ERMAP: variants seen among roughly 807,000 people sequenced by gnomAD.
The protein encoded by ERMAP is erythroid membrane-associated protein.
Under a neutral mutation model 49.5 loss-of-function variants are expected in ERMAP, and 34 were observed. The observed-to-expected ratio is 0.69, with a 90% CI of 0.52 to 0.91. ERMAP has a LOEUF of 0.91. ERMAP is among the 40% of genes least tolerant of loss of function. The probability of loss-of-function intolerance (pLI) is 0.00; values close to 1 mark genes in which losing one functional copy is unlikely to be tolerated. For synonymous variants in ERMAP, 214 were observed against 232.2 expected, an observed-to-expected ratio of 0.92 and a Z score of 0.71; for missense variants, 541 against 582.6, an observed-to-expected ratio of 0.93 and a Z score of 0.74.
rs1655146730 is a variant in ERMAP at position 42,844,123 on chromosome 1, C to T, written c.*891C>T. ...AAAAAGTGGCAGTTTTAACCACCAA[C>T]GTAGAAGCTTTTTTTTCCCCACAAG... On this transcript the variant is annotated 3_prime_UTR_variant, in exon 12 of 12. Transcript: ENST00000372517. This position sits in a 1 kb window ranked among gnomAD's most constrained non-coding sequence, Gnocchi z 4.0. 1 of 398,624 alleles carries T rather than the reference C, an allele frequency of 2.5e-6. No homozygotes were observed. The highest frequency in any genetic ancestry group is 2.1e-5 in the African/African-American group (1 of 48,746). The allele number at this position is 398,624 out of a possible 1,614,324, so 24.7% of individuals were successfully genotyped here.
chr1:42,827,675 T>C (rs1291312934), intron 2 of ERMAP, among the ~76,000 whole-genome samples: 1 of 152,200 alleles, frequency 6.6e-6, no homozygotes, highest in East Asian at 1.9e-4. Context: ...GGAAGTGAAA[T>C]CATATTTTAT....
chr1:42,828,817 C>T (rs1007755723), intron 2 of ERMAP, among the ~76,000 whole-genome samples: 2 of 152,054 alleles, frequency 1.3e-5, no homozygotes, highest in African/African-American at 4.8e-5. Flanking sequence ...CCCTCTTAAC[C>T]ACTTCATAGA....
intron 1 of ERMAP, among the ~76,000 whole-genome samples, chr1:42,823,753 A>G (rs920196777): frequency 6.6e-6 from 1 of 152,216 alleles, no homozygotes; most frequent in African/African-American, 2.4e-5. Flanking sequence ...ATTTTGTCAC[A>G]CAAACTATTA....
At position 42,817,174 on chromosome 1, in the gene ERMAP, G is replaced by A; in HGVS notation, c.-201G>A. The A allele has an allele frequency of 1.6e-6, 2 of 1,238,346 alleles. No individual in the cohort carries two copies. Among genetic ancestry groups the A allele is most frequent in the Non-Finnish European group, 2.1e-6 (2 of 964,368 alleles). 76.7% of individuals were successfully genotyped at this position (1,238,346 alleles called of 1,614,324 possible). On this transcript the variant is annotated 5_prime_UTR_variant, in exon 1 of 12. Transcript: ENST00000372517. ...GGTCGCTGGAGCCGCCGACCAAGAG[G>A]CTTGGGAGTCTGTACCTTTCCCGAC...
chr1:42,836,867 G>A, intron 6 of ERMAP: 1 of 271,942 alleles, frequency 3.7e-6, no homozygotes, highest in Non-Finnish European at 6.9e-6. Flanking sequence ...AGTGAGTCAA[G>A]ATCATGCCAC....
At chr1:42,825,596 T>A in intron 1 of ERMAP, 27 bp from the exon 2 acceptor site, 4 of 1,276,070 alleles carry the variant, frequency 3.1e-6, no homozygotes, top group Non-Finnish European at 4.1e-6. Context: ...TCATAAAATA[T>A]GAACTTTTCC....
intron 11 of ERMAP, 96 bp downstream of exon 11, chr1:42,840,392 T>TA (rs1655023024): frequency 6.7e-7 from 1 of 1,483,546 alleles, no homozygotes; most frequent in Non-Finnish European, 9.3e-7. Context: ...GGAATGCAGG[T>TA]AATTTAAAAA....
At chr1:42,828,834 G>A (rs1369076469) in intron 2 of ERMAP, among the ~76,000 whole-genome samples, 1 of 151,982 alleles carries the variant, frequency 6.6e-6, no homozygotes, top group Non-Finnish European at 1.5e-5. Flanking sequence ...TAGATTGTCT[G>A]AATCTTGGAA....
intron 2 of ERMAP, among the ~76,000 whole-genome samples, chr1:42,828,337 A>AG (rs1654613814): frequency 6.6e-6 from 1 of 152,048 alleles, no homozygotes; most frequent in South Asian, 2.1e-4. Context: ...CCTTACTATA[A>AG]CCCTATCTAT....
intron 3 of ERMAP, 74 bp from the exon 4 acceptor site, chr1:42,830,694 A>T: frequency 2.2e-6 from 3 of 1,390,792 alleles, no homozygotes; most frequent in Non-Finnish European, 2.9e-6. Flanking sequence ...TCCCCGGGAT[A>T]TCCTCTTCCT....
rs1654685731 is a variant in ERMAP at position 42,830,454 on chromosome 1, G to A, written c.6G>A (p.Glu2=). The change falls in exon 3 of 12, where the codon GAG becomes GAA. Residue 2 remains glutamate, a synonymous_variant. Coordinates refer to ENST00000372517, the MANE Select transcript of ERMAP (RefSeq NM_001017922.2). ...CTCTGTCTGTCCTAGTTCGGATGGA[G>A]ATGGCGAGTTCTGCTGGCTCCTGGC... The part of the protein sequence containing the change: M[E]MASSAGSWLS... 6.2e-7 allele frequency: 1 copy of A among 1,614,034 alleles called. No homozygotes were observed. The highest frequency in any genetic ancestry group is 1.3e-5 in the African/African-American group (1 of 74,922).
At chr1:42,833,708 C>A (rs1654815442) in intron 4 of ERMAP, among the ~76,000 whole-genome samples, 1 of 151,978 alleles carries the variant, frequency 6.6e-6, no homozygotes, top group Admixed American at 6.6e-5. Flanking sequence ...GGGTTCAAAC[C>A]TTTTACTTAT....
intron 1 of ERMAP, 95 bp downstream of exon 1, chr1:42,817,348 G>T: frequency 2.4e-6 from 2 of 841,324 alleles, no homozygotes; most frequent in Non-Finnish European, 1.5e-6. Flanking sequence ...AGGGGCGCAG[G>T]GCCGAGCGCC....
rs1654702331 is a variant in ERMAP, at chr1:42,830,807, TA to T, written c.126del (p.Gly44AlafsTer20). On this transcript the variant is annotated frameshift_variant, in exon 4 of 12. Coordinates refer to ENST00000372517, the MANE Select transcript of ERMAP (RefSeq NM_001017922.2). LOFTEE classifies it high-confidence loss of function. Reference sequence around the variant, plus strand: ...GCCGGCAAGTTCCACGTGGCCCTACTAGGGGGCACAGCCGAGCTGCTCTGCC... The same window carrying T: ...GCCGGCAAGTTCCACGTGGCCCTACTGGGGGCACAGCCGAGCTGCTCTGCC... ...GDAGKFHVAL[L>X]GGTAELLCPL... 2 of 1,575,386 alleles carry T rather than the reference TA, an allele frequency of 1.3e-6. No individual in the cohort carries two copies. Among genetic ancestry groups the T allele is most frequent in the Non-Finnish European group, 1.7e-6 (2 of 1,161,046 alleles).
At position 42,819,495 on chromosome 1, in the gene ERMAP, A is replaced by T. The variant is rs1654352221; in HGVS notation, c.-122+2242A>T. Among the ~76,000 whole-genome samples the T allele has an allele frequency of 6.6e-6, 1 of 152,210 alleles. No individual in the cohort carries two copies. Among genetic ancestry groups the T allele is most frequent in the South Asian group, 2.1e-4 (1 of 4,818 alleles). ...CAGTGGACTCTTGGCCAGGCTGCAG[A>T]ATTTCCTGGTTTGTTGAATGACTAG... On this transcript the variant is annotated intron_variant, in intron 1 of 11. Transcript: ENST00000372517. The surrounding 1 kb of genome is among the most constrained non-coding windows in gnomAD (Gnocchi z 5.1).
At chr1:42,832,363 TTTTTC>T (rs1453492515) in intron 4 of ERMAP, among the ~76,000 whole-genome samples, 1 of 151,268 alleles carries the variant, frequency 6.6e-6, no homozygotes, top group African/African-American at 2.4e-5. Flanking sequence ...AACTAATTTT[TTTTTC>T]TTTTTTCTTT....
Position 42,843,318 on chromosome 1 carries a change from C to T in ERMAP, c.*86C>T, listed in dbSNP as rs111730740. 519 of 967,224 alleles carry T rather than the reference C, an allele frequency of 5.4e-4. 5 individuals carry two copies. The East Asian group carries it at 0.011, about 20-fold the overall frequency. The allele number at this position is 967,224 out of a possible 1,614,324, so 59.9% of individuals were successfully genotyped here. ...CTGGCCCAACCCCATGATTATGGAA[C>T]GTCTCTTCACCTTAACCCAAATCCA... On this transcript the variant is annotated 3_prime_UTR_variant, in exon 12 of 12. Coordinates refer to ENST00000372517, the MANE Select transcript of ERMAP (RefSeq NM_001017922.2).
Position 42,830,511 on chromosome 1 carries a change from C to T in ERMAP, c.63C>T (p.Leu21=), listed in dbSNP as rs1367764418. ...GCTGCCTCATCCCTCTCGTCTTCCT[C>T]CGGCTGTCTGTGCATGTGTCAGGTA... is the stretch of plus-strand genomic sequence containing the variant. ...LSGCLIPLVF[L]RLSVHVSGHA... is the part of the protein sequence containing the mutation. The change falls in exon 3 of 12, where the codon CTC becomes CTT. Residue 21 remains leucine, a synonymous_variant. Transcript: ENST00000372517. 2 of 1,614,124 alleles carry T rather than the reference C, an allele frequency of 1.2e-6. No homozygotes were observed. The highest frequency in any genetic ancestry group is 2.2e-5 in the South Asian group (2 of 91,080).
chr1:42,821,201 C>T (rs1474693795), intron 1 of ERMAP, among the ~76,000 whole-genome samples: 3 of 152,114 alleles, frequency 2.0e-5, no homozygotes, highest in Non-Finnish European at 4.4e-5. Flanking sequence ...TTCTCTTTGT[C>T]CTTATAGGCT....
Sources: allele counts gnomAD v4.1 joint callset (sites outside exome capture counted in the v4.1 genomes callset), GRCh38; gene constraint gnomAD v4.1.1; non-coding constraint Gnocchi (gnomAD v3.1); transcripts MANE v1.5; gene names NCBI Gene and HGNC (gene_info 2026-07-23, HGNC 2026-07-21).